Variants in RUNX2 observed in about 807,000 individuals in gnomAD.
The protein encoded by RUNX2 is RUNX family transcription factor 2, also known as runt-related transcription factor 2.
Under a neutral mutation model 51.7 loss-of-function variants are expected in RUNX2, and 10 were observed. The observed-to-expected ratio is 0.19, with a 90% CI of 0.12 to 0.33. The LOEUF (loss-of-function observed/expected upper bound fraction) is 0.33. Ranked by LOEUF, RUNX2 falls within the 10% of genes least tolerant of loss-of-function variation. The pLI is 1.00. For missense variants in RUNX2, 562 were observed against 691.3 expected, an observed-to-expected ratio of 0.81 and a Z score of 2.10; for synonymous variants, 276 against 273.6, an observed-to-expected ratio of 1.01 and a Z score of -0.09.
chr6:45,416,899 G>T (rs1798078561), intron 2 of RUNX2, among the ~76,000 whole-genome samples: 1 of 152,114 alleles, frequency 6.6e-6, no homozygotes, highest in Non-Finnish European at 1.5e-5. Flanking sequence ...CCTGAATATG[G>T]CCCTTGGGAA....
intron 7 of RUNX2, among the ~76,000 whole-genome samples, chr6:45,518,935 C>T (rs1801416484): frequency 3.3e-5 from 5 of 152,144 alleles, no homozygotes; most frequent in Admixed American, 2.6e-4. Context: ...CTTAGGACAC[C>T]TGAGTTTTCA....
intron 5 of RUNX2, among the ~76,000 whole-genome samples, chr6:45,438,769 C>T (rs1798761465): frequency 6.6e-6 from 1 of 152,050 alleles, no homozygotes; most frequent in Admixed American, 6.6e-5. Flanking sequence ...GTTTGCTTCC[C>T]CCACCCCCAC....
At chr6:45,453,988 G>A (rs1188750317) in intron 5 of RUNX2, among the ~76,000 whole-genome samples, 2 of 152,156 alleles carry the variant, frequency 1.3e-5, no homozygotes, top group Non-Finnish European at 2.9e-5. Context: ...TCTATATTTT[G>A]TGAGACCTGG....
At chr6:45,381,505 G>A (rs1411053321) in intron 2 of RUNX2, among the ~76,000 whole-genome samples, 6 of 151,650 alleles carry the variant, frequency 4.0e-5, no homozygotes, top group Non-Finnish European at 8.8e-5. Context: ...ATAGCTTACT[G>A]TAGCATCAAC....
At chr6:45,392,327 T>G (rs1025089000) in intron 2 of RUNX2, among the ~76,000 whole-genome samples, 1 of 152,092 alleles carries the variant, frequency 6.6e-6, no homozygotes, top group African/African-American at 2.4e-5. Context: ...CAACATTTTG[T>G]GAGACTCTGT....
chr6:45,410,771 C>A (rs185254496), intron 2 of RUNX2, among the ~76,000 whole-genome samples: 2 of 152,122 alleles, frequency 1.3e-5, no homozygotes, highest in African/African-American at 4.8e-5. Flanking sequence ...GCCTTGGGAA[C>A]CTACATGTTG....
chr6:45,426,846 C>T (rs770031018), intron 3 of RUNX2, among the ~76,000 whole-genome samples: 9 of 152,078 alleles, frequency 5.9e-5, no homozygotes, highest in African/African-American at 1.7e-4. Context: ...TTTCTCTCTT[C>T]GAAAACAAAT....
intron 5 of RUNX2, among the ~76,000 whole-genome samples, chr6:45,457,877 AGT>A (rs1288464150): frequency 6.6e-6 from 1 of 152,174 alleles, no homozygotes; most frequent in African/African-American, 2.4e-5. Context: ...CTTTGTGAAA[AGT>A]GTGCAGAGGT....
At chr6:45,497,469 AT>A (rs1301567103) in intron 6 of RUNX2, among the ~76,000 whole-genome samples, 1 of 151,970 alleles carries the variant, frequency 6.6e-6, no homozygotes, top group South Asian at 2.1e-4. Flanking sequence ...AGTTTCACTT[AT>A]TTTTTTATTT....
At chr6:45,351,726 C>T (rs1023701787) in intron 2 of RUNX2, among the ~76,000 whole-genome samples, 1 of 152,146 alleles carries the variant, frequency 6.6e-6, no homozygotes, top group African/African-American at 2.4e-5. Context: ...TCCCAACCAG[C>T]CCAAAGTTAG....
At chr6:45,380,621 G>A (rs893639039) in intron 2 of RUNX2, among the ~76,000 whole-genome samples, 4 of 152,180 alleles carry the variant, frequency 2.6e-5, no homozygotes, top group Non-Finnish European at 4.4e-5. Flanking sequence ...CTGTCACCCA[G>A]GCTGGAGTGC....
chr6:45,356,476 C>T (rs1320092893), intron 2 of RUNX2, among the ~76,000 whole-genome samples: 1 of 152,066 alleles, frequency 6.6e-6, no homozygotes, highest in Non-Finnish European at 1.5e-5. Context: ...CAGCTCACTG[C>T]AACCTCCACC....
intron 6 of RUNX2, among the ~76,000 whole-genome samples, chr6:45,506,656 TTTG>T (rs555930953): frequency 2.6e-5 from 4 of 152,146 alleles, no homozygotes; most frequent in African/African-American, 7.2e-5. Flanking sequence ...CAACAACAGT[TTTG>T]TTGTTGTTGT....
chr6:45,408,283 T>C (rs926416718), intron 2 of RUNX2, among the ~76,000 whole-genome samples: 4 of 151,742 alleles, frequency 2.6e-5, no homozygotes, highest in Admixed American at 6.6e-5. Flanking sequence ...TAAGGGAAGG[T>C]GGCCTACTTT....
intron 2 of RUNX2, among the ~76,000 whole-genome samples, chr6:45,360,754 A>G (rs1429064060): frequency 6.6e-6 from 1 of 152,148 alleles, no homozygotes. Context: ...TGGACATTCT[A>G]AATTTGAGGT....
chr6:45,380,721 C>T (rs1797220306), intron 2 of RUNX2, among the ~76,000 whole-genome samples: 1 of 152,154 alleles, frequency 6.6e-6, no homozygotes, highest in Non-Finnish European at 1.5e-5. Flanking sequence ...GGATTACAGG[C>T]GTGTGCCACC....
At chr6:45,339,332 A>C (rs942053246) in intron 2 of RUNX2, among the ~76,000 whole-genome samples, 1 of 152,176 alleles carries the variant, frequency 6.6e-6, no homozygotes, top group Admixed American at 6.5e-5. Flanking sequence ...TTTTAAAACA[A>C]AACTCCCTAG....
At chr6:45,534,859 A>G (rs1319774124) in intron 7 of RUNX2, among the ~76,000 whole-genome samples, 1 of 152,218 alleles carries the variant, frequency 6.6e-6, no homozygotes, top group Non-Finnish European at 1.5e-5. Context: ...GTTTAAAGAT[A>G]AATAGGACAG....
intron 2 of RUNX2, among the ~76,000 whole-genome samples, chr6:45,393,764 T>G (rs1797524070): frequency 6.6e-6 from 1 of 151,912 alleles, no homozygotes; most frequent in African/African-American, 2.4e-5. Flanking sequence ...GAGGTTTAAT[T>G]GGCTCATAGT....
Sources: allele counts gnomAD v4.1 joint callset (sites outside exome capture counted in the v4.1 genomes callset), GRCh38; gene constraint gnomAD v4.1.1; transcripts MANE v1.5; gene names NCBI Gene and HGNC (gene_info 2026-07-23, HGNC 2026-07-21).